The following AMOTL1 variants were observed in gnomAD, a reference collection of about 807,000 sequenced individuals.
AMOTL1 encodes angiomotin-like protein 1.
AMOTL1 carries 45 observed loss-of-function variants against 102.9 expected under a neutral mutation model. The ratio of observed to expected loss-of-function variants is 0.44; its 90% CI spans 0.34 to 0.56. The LOEUF is 0.56. AMOTL1 is among the 20% of genes least tolerant of loss of function. AMOTL1 has a pLI of 0.01. For missense variants in AMOTL1, 1,114 were observed against 1,225.6 expected, an observed-to-expected ratio of 0.91 and a Z score of 1.36; for synonymous variants, 481 against 484.7, an observed-to-expected ratio of 0.99 and a Z score of 0.10.
intron 3 of AMOTL1, among the ~76,000 whole-genome samples, chr11:94,749,941 T>G (rs190267868): frequency 5.6e-4 from 86 of 152,348 alleles, no homozygotes; most frequent in Non-Finnish European, 1.0e-3. Context: ...TGAACAAATC[T>G]GTTCTAAGAC....
At chr11:94,723,903 C>T (rs952212594) in intron 1 of AMOTL1, among the ~76,000 whole-genome samples, 2 of 152,010 alleles carry the variant, frequency 1.3e-5, no homozygotes, top group African/African-American at 4.8e-5. Context: ...CTATTTGGAG[C>T]TAGAAGGAAA....
Position 94,831,689 on chromosome 11 carries a change from C to T in AMOTL1, c.1648+148C>T, listed in dbSNP as rs148997153. 8.9e-4 allele frequency: 586 copies of T among 660,312 alleles called. 3 individuals are homozygous for T. In the African/African-American group the frequency reaches 9.7e-3, roughly 11 times the overall value. The allele number at this position is 660,312 out of a possible 1,614,324, so 40.9% of individuals were successfully genotyped here. On this transcript the variant is annotated intron_variant, in intron 6 of 12. Coordinates refer to ENST00000433060, the MANE Select transcript of AMOTL1 (RefSeq NM_130847.3). ...ACAACCTATTGATCTCAGATGAGGC[C>T]CTCCTAGGTCTGCCCGAGACAAAGC... is the stretch of plus-strand genomic sequence containing the variant.
Position 94,869,409 on chromosome 11 carries a change from C to T in AMOTL1, c.2700C>T (p.Ser900=). Residue 900 remains serine (S), a synonymous_variant, in exon 12 of 13, where the codon AGC becomes AGT. Coordinates refer to ENST00000433060, the MANE Select transcript of AMOTL1 (RefSeq NM_130847.3). Reference sequence around the variant, plus strand: ...CCCTTCCCAGCCGCGGCCGGCTGAGCACGACCCCTGCTCACAGCCCCGTCC... The same window carrying T: ...CCCTTCCCAGCCGCGGCCGGCTGAGTACGACCCCTGCTCACAGCCCCGTCC... ...MASLPSRGRL[S]TTPAHSPVLK... 5.0e-6 allele frequency: 8 copies of T among 1,605,230 alleles called. No homozygotes were observed. Among genetic ancestry groups the T allele is most frequent in the Non-Finnish European group, 6.8e-6 (8 of 1,176,254 alleles).
intron 6 of AMOTL1, among the ~76,000 whole-genome samples, chr11:94,845,778 C>T (rs1210959178): frequency 1.3e-5 from 2 of 152,178 alleles, no homozygotes; most frequent in African/African-American, 4.8e-5. Context: ...AGACATCCTT[C>T]TATGTAAATG....
intron 1 of AMOTL1, among the ~76,000 whole-genome samples, chr11:94,721,525 G>T (rs959720585): frequency 6.6e-6 from 1 of 151,942 alleles, no homozygotes; most frequent in African/African-American, 2.4e-5. Flanking sequence ...TTCAAGGTAG[G>T]CCCCCATGAT....
intron 3 of AMOTL1, among the ~76,000 whole-genome samples, chr11:94,743,651 CTTTTT>C (rs760828820): frequency 1.0e-4 from 10 of 98,186 alleles, no homozygotes; most frequent in African/African-American, 4.3e-4. Flanking sequence ...CACAATACTT[CTTTTT>C]TTTTTTTTTT....
In AMOTL1 at chr11:94,735,394, T is replaced by C. The variant is rs146528467; in HGVS notation, c.86-5544T>C. ...CCTGGCATTATGTCCAGTGTTGCTA[T>C]ATAACCATACCTCATTTACTGAGGA... On this transcript the variant is annotated intron_variant, in intron 2 of 4. Coordinates refer to the AMOTL1 transcript ENST00000299004. Among the ~76,000 whole-genome samples the C allele has an allele frequency of 1.7e-3, 256 of 152,362 alleles. 1 individual carries two copies. Among genetic ancestry groups the C allele is most frequent in the African/African-American group, 6.0e-3 (250 of 41,582 alleles).
intron 9 of AMOTL1, among the ~76,000 whole-genome samples, chr11:94,860,590 GTGCAGGGGACCCATCCAGCCCC>G (rs1952755712): frequency 6.6e-6 from 1 of 152,190 alleles, no homozygotes; most frequent in Admixed American, 6.5e-5. Flanking sequence ...TGGGGTGGCT[GTGCAGGGGACCCATCCAGCCCC>G]TCACTGCCTC....
chr11:94,807,077 C>T lies in AMOTL1; in HGVS notation c.1121+6766C>T, dbSNP rs997742376. Among the ~76,000 whole-genome samples the T allele has an allele frequency of 3.3e-5, 5 of 152,158 alleles. No homozygotes were observed. In the East Asian group the frequency reaches 9.6e-4, roughly 29 times the overall value. ...GTAATTATGGTTTTTGCCATAATAA[C>T]TGATTTTCTTCGTTCGATAAATAAA... On this transcript the variant is annotated intron_variant, in intron 3 of 12. Transcript: ENST00000433060.
Position 94,854,041 on chromosome 11 carries a change from A to G in AMOTL1, c.1903A>G (p.Thr635Ala), listed in dbSNP as rs1397765828. The G allele has an allele frequency of 6.4e-7, 1 of 1,559,552 alleles. No homozygotes were observed. Among genetic ancestry groups the G allele is most frequent in the Non-Finnish European group, 8.7e-7 (1 of 1,150,766 alleles). The change falls in exon 8 of 13, where the codon ACT becomes GCT. Residue 635 changes from threonine to alanine, a missense_variant. By Grantham distance (58) the Thr-to-Ala change is moderately conservative (BLOSUM62 0). Coordinates refer to ENST00000433060, the MANE Select transcript of AMOTL1 (RefSeq NM_130847.3). ...AGAACAGATGGAGCGGAGACTGCGG[A>G]CTTGGCTGGAGAGAGAGCTGGATGC... Reference protein sequence around the residue: ...KREQMERRLRTWLERELDALR... With the variant: ...KREQMERRLRAWLERELDALR...
chr11:94,792,091 C>T (rs1388075906), intron 1 of AMOTL1, among the ~76,000 whole-genome samples: 1 of 152,116 alleles, frequency 6.6e-6, no homozygotes, highest in Non-Finnish European at 1.5e-5. Flanking sequence ...CAATGATAGA[C>T]TGGATTAAGA....
chr11:94,771,262 G>GGA lies in AMOTL1; in HGVS notation c.49+2703_49+2704insAG, dbSNP rs1555067552. The stretch of plus-strand genomic sequence containing the variant: ...TTTCTTTTCTTTTTGGCGGGGTTGG[G>GGA]GGGGGGGTGCGGTGTGTGGCTATCT... On this transcript the variant is annotated intron_variant, in intron 1 of 12. Coordinates refer to ENST00000433060, the MANE Select transcript of AMOTL1 (RefSeq NM_130847.3). Among the ~76,000 whole-genome samples, 7 of 146,536 alleles carry GGA rather than the reference G, an allele frequency of 4.8e-5. 1 individual carries two copies. Among genetic ancestry groups the GGA allele is most frequent in the Non-Finnish European group, 1.1e-4 (7 of 66,424 alleles).
intron 2 of AMOTL1, among the ~76,000 whole-genome samples, chr11:94,730,213 G>A (rs897921589): frequency 6.6e-6 from 1 of 152,002 alleles, no homozygotes; most frequent in African/African-American, 2.4e-5. Context: ...ACCTCTGCCT[G>A]CCCCTCTAGA....
At chr11:94,766,462 C>T (rs1950856169), upstream of AMOTL1, among the ~76,000 whole-genome samples, 1 of 152,168 alleles carries the variant, frequency 6.6e-6, no homozygotes, top group Non-Finnish European at 1.5e-5. Context: ...TCAGCTCATG[C>T]CTGTTTTGTT....
chr11:94,856,763 C>G (rs577163596), intron 8 of AMOTL1, among the ~76,000 whole-genome samples: 1 of 152,234 alleles, frequency 6.6e-6, no homozygotes, highest in Admixed American at 6.5e-5. Context: ...CCACCCTCAA[C>G]AGAACAACAG....
intron 6 of AMOTL1, among the ~76,000 whole-genome samples, chr11:94,841,383 C>G (rs1952299017): frequency 1.3e-5 from 2 of 152,206 alleles, no homozygotes; most frequent in South Asian, 4.2e-4. Context: ...GCCCAGAAAG[C>G]AGAGGTTGTA....
chr11:94,836,141 G>A (rs1952175499), intron 6 of AMOTL1, among the ~76,000 whole-genome samples: 2 of 152,130 alleles, frequency 1.3e-5, no homozygotes, highest in South Asian at 4.1e-4. Flanking sequence ...CCACAGATCA[G>A]AAATTAAGAT....
At chr11:94,864,905 A>C in intron 10 of AMOTL1, 45 bp downstream of exon 10, 1 of 1,588,488 alleles carries the variant, frequency 6.3e-7, no homozygotes, top group Non-Finnish European at 8.6e-7. Flanking sequence ...CTGCATTCAC[A>C]CTCCAGGCCT....
intron 6 of AMOTL1, among the ~76,000 whole-genome samples, chr11:94,840,636 AG>A (rs1405682180): frequency 6.8e-6 from 1 of 146,544 alleles, no homozygotes; most frequent in Non-Finnish European, 1.5e-5. Flanking sequence ...TGCCATTCAG[AG>A]GGGCCACTTA....
Sources: gnomAD v4.1 joint callset for allele counts (sites outside exome capture counted in the v4.1 genomes callset) on GRCh38, gnomAD v4.1.1 for gene constraint, MANE v1.5 for transcripts, NCBI Gene and HGNC (gene_info 2026-07-23, HGNC 2026-07-21) for gene names.